SNX29: variants seen among roughly 807,000 people sequenced by gnomAD.
SNX29 encodes sorting nexin 29, also known as sorting nexin-29.
SNX29 carries 78 observed loss-of-function variants against 102.1 expected under a neutral mutation model. The observed-to-expected ratio is 0.76, with a 90% CI of 0.64 to 0.92. The LOEUF is 0.92. Among genes scored for constraint, SNX29 ranks in the 40% least tolerant of loss-of-function variants. The pLI is 0.00. For synonymous variants in SNX29, 580 were observed against 414.5 expected (o/e 1.40, Z -4.85); for missense variants, 1,280 against 1,061.7 (o/e 1.21, Z -2.86).
At position 12,310,013 on chromosome 16, in the gene SNX29, C is replaced by T. The variant is rs534410696; in HGVS notation, c.1782+31977C>T. 2.1e-4 allele frequency among the ~76,000 whole-genome samples: 31 copies of T among 149,364 alleles called. No homozygotes were observed. The South Asian group carries it at 3.0e-3, about 14-fold the overall frequency. ...ACCAAGATAAACACAGACGTGTGCACGCACGCTTGCACACATGGATGTGTG... is the reference window on the plus strand; with the variant it reads ...ACCAAGATAAACACAGACGTGTGCATGCACGCTTGCACACATGGATGTGTG... On this transcript the variant is annotated intron_variant, in intron 15 of 20. Coordinates refer to ENST00000566228, the MANE Select transcript of SNX29 (RefSeq NM_032167.5).
Position 12,569,617 on chromosome 16 carries a change from C to T in SNX29, c.*988C>T, listed in dbSNP as rs75123725. Reference sequence around the variant, plus strand: ...CTGCCCCCGACATTGTCCTTGATAACAGAACTCTGCATCCCCTAAGACAGA... The same window carrying T: ...CTGCCCCCGACATTGTCCTTGATAATAGAACTCTGCATCCCCTAAGACAGA... On this transcript the variant is annotated 3_prime_UTR_variant, in exon 21 of 21. Coordinates refer to ENST00000566228, the MANE Select transcript of SNX29 (RefSeq NM_032167.5). The T allele has an allele frequency of 0.019, 3,983 of 208,668 alleles. 154 individuals are homozygous for T. Among genetic ancestry groups the T allele is most frequent in the African/African-American group, 0.097 (3,681 of 38,052 alleles). The allele number at this position is 208,668 out of a possible 1,614,324, so 12.9% of individuals were successfully genotyped here.
chr16:12,568,472 C>G (rs771766755), intron 20 of SNX29, 34 bp from the exon 21 acceptor site: 1 of 1,606,138 alleles, frequency 6.2e-7, no homozygotes, highest in Non-Finnish European at 8.5e-7. Flanking sequence ...TTTTCATCCC[C>G]AGACTTAACC....
intron 13 of SNX29, among the ~76,000 whole-genome samples, chr16:12,173,718 G>T (rs1431546211): frequency 2.0e-5 from 3 of 152,218 alleles, no homozygotes; most frequent in Non-Finnish European, 4.4e-5. Flanking sequence ...CTGCAGAGAT[G>T]TTTCCTTGCT....
chr16:12,547,704 G>T (rs1467932408), intron 20 of SNX29, among the ~76,000 whole-genome samples: 1 of 152,084 alleles, frequency 6.6e-6, no homozygotes, highest in Non-Finnish European at 1.5e-5. Flanking sequence ...TCCTGTCTGG[G>T]ATCTGCATAG....
intron 11 of SNX29, among the ~76,000 whole-genome samples, chr16:12,122,769 C>A (rs543789713): frequency 5.9e-5 from 9 of 152,102 alleles, no homozygotes; most frequent in African/African-American, 2.2e-4. Flanking sequence ...ATTCACATAG[C>A]ACCACTGAGG....
chr16:12,539,875 G>A (rs2077247176), intron 20 of SNX29, among the ~76,000 whole-genome samples: 2 of 152,184 alleles, frequency 1.3e-5, no homozygotes, highest in African/African-American at 2.4e-5. Context: ...CCTGTTCTTA[G>A]AAACTAGGCT....
rs573824946 is a variant in SNX29 at position 12,492,744 on chromosome 16, C to A, written c.2178+14885C>A. 5.0e-3 allele frequency among the ~76,000 whole-genome samples: 759 copies of A among 152,312 alleles called. 7 individuals are homozygous for A. The highest frequency in any genetic ancestry group is 0.017 in the African/African-American group (707 of 41,572). On this transcript the variant is annotated intron_variant, in intron 19 of 20. Transcript: ENST00000566228. ...GAAGGGATCCAGTTTCAGCTTTCTACATATGGCTAGCCAGTTTTCCCAGCA... is the reference window on the plus strand; with the variant it reads ...GAAGGGATCCAGTTTCAGCTTTCTAAATATGGCTAGCCAGTTTTCCCAGCA...
In SNX29 at chr16:12,388,985, C is replaced by G. The variant is rs147491443; in HGVS notation, c.1900-9461C>G. 7.6e-4 allele frequency among the ~76,000 whole-genome samples: 115 copies of G among 152,312 alleles called. 1 individual carries two copies. The highest frequency in any genetic ancestry group is 2.7e-3 in the African/African-American group (113 of 41,570). Reference sequence around the variant, plus strand: ...CTCCTGCCTGCAAGGGTGAGCTCCTCAGACCTGCCGCTTAAACATCCTTGA... The same window carrying G: ...CTCCTGCCTGCAAGGGTGAGCTCCTGAGACCTGCCGCTTAAACATCCTTGA... On this transcript the variant is annotated intron_variant, in intron 16 of 20. Coordinates refer to ENST00000566228, the MANE Select transcript of SNX29 (RefSeq NM_032167.5).
At chr16:12,562,575 T>A (rs1001363878) in intron 20 of SNX29, among the ~76,000 whole-genome samples, 2 of 152,100 alleles carry the variant, frequency 1.3e-5, no homozygotes, top group Non-Finnish European at 2.9e-5. Context: ...GGTCCCTAGT[T>A]TTTACCCAGA....
chr16:12,538,782 C>T (rs992481478), intron 20 of SNX29, among the ~76,000 whole-genome samples: 2 of 152,112 alleles, frequency 1.3e-5, no homozygotes, highest in Non-Finnish European at 2.9e-5. Flanking sequence ...TGTCACATCG[C>T]CAAGGGGGAT....
At chr16:12,270,753 G>C (rs2079066640) in intron 14 of SNX29, among the ~76,000 whole-genome samples, 1 of 151,962 alleles carries the variant, frequency 6.6e-6, no homozygotes, top group Non-Finnish European at 1.5e-5. Context: ...ATTTAAAGTG[G>C]TCTCTCGGCT....
At chr16:12,328,238 T>G (rs1407577146) in intron 15 of SNX29, among the ~76,000 whole-genome samples, 2 of 152,340 alleles carry the variant, frequency 1.3e-5, no homozygotes, top group Non-Finnish European at 2.9e-5. Flanking sequence ...ATTATTTTAC[T>G]ACTACTGTTT....
chr16:12,416,493 A>T (rs1412716675), intron 18 of SNX29, among the ~76,000 whole-genome samples: 1 of 152,214 alleles, frequency 6.6e-6, no homozygotes, highest in African/African-American at 2.4e-5. Context: ...TTTGATTACA[A>T]AACAGATACA....
chr16:12,489,776 T>G (rs1265693210), intron 19 of SNX29, among the ~76,000 whole-genome samples: 4 of 152,188 alleles, frequency 2.6e-5, no homozygotes, highest in Non-Finnish European at 5.9e-5. Flanking sequence ...TCCTCCCCCG[T>G]TCACTTCTCT....
At chr16:12,431,845 G>A (rs760387194) in intron 18 of SNX29, among the ~76,000 whole-genome samples, 1 of 152,304 alleles carries the variant, frequency 6.6e-6, no homozygotes, top group Non-Finnish European at 1.5e-5. Flanking sequence ...CTGAAGTCTT[G>A]TTCCTTCATT....
At chr16:12,170,251 G>A (rs1181589976) in intron 13 of SNX29, among the ~76,000 whole-genome samples, 1 of 152,134 alleles carries the variant, frequency 6.6e-6, no homozygotes, top group Non-Finnish European at 1.5e-5. Context: ...AACACATGGT[G>A]TGAGAGTGGC....
chr16:12,308,516 G>C (rs1301963246), intron 15 of SNX29, among the ~76,000 whole-genome samples: 1 of 152,070 alleles, frequency 6.6e-6, no homozygotes. Flanking sequence ...ATGCCAGGTG[G>C]GTGCCATCGT....
At chr16:12,286,034 G>C (rs1185938035) in intron 15 of SNX29, among the ~76,000 whole-genome samples, 2 of 151,968 alleles carry the variant, frequency 1.3e-5, no homozygotes, top group Non-Finnish European at 2.9e-5. Flanking sequence ...GTAGAGACAG[G>C]GTTTCACCGT....
chr16:12,269,130 G>A (rs28661303), intron 14 of SNX29, among the ~76,000 whole-genome samples: 1 of 152,200 alleles, frequency 6.6e-6, no homozygotes, highest in African/African-American at 2.4e-5. Flanking sequence ...AGGAGAGAAG[G>A]CTTCTTGTTT....
Sources: allele counts gnomAD v4.1 joint callset (sites outside exome capture counted in the v4.1 genomes callset), GRCh38; gene constraint gnomAD v4.1.1; transcripts MANE v1.5; gene names NCBI Gene and HGNC (gene_info 2026-07-23, HGNC 2026-07-21).